Variants in CNOT9 observed in about 807,000 individuals in gnomAD.
CNOT9 encodes the protein CCR4-NOT transcription complex subunit 9.
Under a neutral mutation model 37.4 loss-of-function variants are expected in CNOT9, and 8 were observed. The observed-to-expected ratio is 0.21, with a 90% CI of 0.13 to 0.39. The LOEUF (loss-of-function observed/expected upper bound fraction) is 0.39. CNOT9 is among the 10% of genes least tolerant of loss of function. The pLI, the probability that CNOT9 is intolerant of heterozygous loss-of-function variation, is 1.00. For synonymous variants in CNOT9, 120 were observed against 137.6 expected, an observed-to-expected ratio of 0.87 and a Z score of 0.90; for missense variants, 154 against 365.3, an observed-to-expected ratio of 0.42 and a Z score of 4.71.
chr2:218,572,549 T>C, intron 1 of CNOT9: 1 of 305,302 alleles, frequency 3.3e-6, no homozygotes, highest in Non-Finnish European at 4.8e-6. Context: ...CTACAAAAAA[T>C]GTTTAAAAAT....
chr2:218,587,731 A>C, intron 5 of CNOT9, 36 bp downstream of exon 5: 1 of 1,144,832 alleles, frequency 8.7e-7, no homozygotes, highest in South Asian at 1.7e-5. Flanking sequence ...CATTGTGTTG[A>C]CTCTTAAGCT....
chr2:218,583,648 C>T (rs750005974), intron 3 of CNOT9, among the ~76,000 whole-genome samples: 5 of 152,048 alleles, frequency 3.3e-5, no homozygotes, highest in Non-Finnish European at 7.4e-5. Flanking sequence ...CTTTTATGGC[C>T]CCAAAGGCAC....
rs2106103280 is a variant in CNOT9, at chr2:218,595,906, T to G, written c.*1630T>G. On this transcript the variant is annotated 3_prime_UTR_variant, in exon 8 of 8. Coordinates refer to ENST00000273064, the MANE Select transcript of CNOT9 (RefSeq NM_005444.3). ...TGGCCTAGATATAGGAAGGGCAGAA[T>G]AAGCACTTACTCCCCCTGCCTTCCA... The G allele has an allele frequency of 6.6e-6, 1 of 152,250 alleles. No homozygotes were observed. The highest frequency in any genetic ancestry group is 3.4e-3 in the Middle Eastern group (1 of 294). 9.4% of individuals were successfully genotyped at this position (152,250 alleles called of 1,614,324 possible).
chr2:218,569,083 C>T (rs1574979621), intron 1 of CNOT9, 105 bp downstream of exon 1: 2 of 1,294,152 alleles, frequency 1.5e-6, no homozygotes, highest in East Asian at 2.6e-5. Flanking sequence ...TGATTTTTTT[C>T]TGCCCTCAAT....
At position 218,592,602 on chromosome 2, in the gene CNOT9, T is replaced by G. The variant is rs1379146442; in HGVS notation, c.640-14T>G. ...TGTTTTTTCCAACCCCTCCCCTTAT[T>G]TTGGGGGAAACAGGGTAAGATGGTC... On this transcript the variant is annotated splice_polypyrimidine_tract_variant and intron_variant, in intron 6 of 7. Transcript: ENST00000273064. The surrounding 1 kb of genome is among the most constrained non-coding windows in gnomAD (Gnocchi z 4.1). 1.9e-6 allele frequency: 3 copies of G among 1,613,280 alleles called. No homozygotes were observed. In the Admixed American group the frequency reaches 5.0e-5, roughly 27 times the overall value.
intron 1 of CNOT9, among the ~76,000 whole-genome samples, chr2:218,569,749 T>C (rs1246449230): frequency 3.3e-5 from 5 of 152,356 alleles, no homozygotes; most frequent in Middle Eastern, 3.4e-3. Context: ...TTGTGGTCTC[T>C]ATGCCTGGAG....
Position 218,572,687 on chromosome 2 carries a change from T to G in CNOT9, c.24+3709T>G, listed in dbSNP as rs1559242333. The G allele has an allele frequency of 3.0e-6, 3 of 985,332 alleles. No individual in the cohort carries two copies. In the South Asian group the frequency reaches 1.4e-4, roughly 46 times the overall value. 61.0% of individuals were successfully genotyped at this position (985,332 alleles called of 1,614,324 possible). On this transcript the variant is annotated intron_variant, in intron 1 of 7. Transcript: ENST00000273064. ...GCCATAGGTATTCTGTAATGGATGT[T>G]ATGCTTGTGAAACAACCGGAGGTAA...
At position 218,568,960 on chromosome 2, in the gene CNOT9, C is replaced by T. The variant is rs757041506; in HGVS notation, c.6C>T (p.His2=). The T allele has an allele frequency of 1.2e-6, 2 of 1,610,482 alleles. No individual in the cohort carries two copies. The highest frequency in any genetic ancestry group is 1.3e-5 in the African/African-American group (1 of 74,798). The change falls in exon 1 of 8, where the codon CAC becomes CAT. Residue 2 remains histidine, a synonymous_variant. Transcript: ENST00000273064. M[H]SLATAAPVPT... ...GAGCGGCGGCCGCTCACAACATGCA[C>T]AGCCTGGCGACGGCTGCGGTGAGTG...
intron 2 of CNOT9, chr2:218,581,002 T>G (rs1232026134): frequency 1.8e-6 from 1 of 560,642 alleles, no homozygotes; most frequent in Non-Finnish European, 3.4e-6. Flanking sequence ...CAGGTGATTG[T>G]GATGCAAGTG....
chr2:218,595,740 G>A lies in CNOT9; in HGVS notation c.*1464G>A, dbSNP rs1368548496. 2 of 151,450 alleles carry A rather than the reference G, an allele frequency of 1.3e-5. No individual in the cohort carries two copies. Among genetic ancestry groups the A allele is most frequent in the Non-Finnish European group, 2.9e-5 (2 of 67,890 alleles). 9.4% of individuals were successfully genotyped at this position (151,450 alleles called of 1,614,324 possible). A position where few individuals can be genotyped will look rare whatever the true frequency, so the allele number is the denominator to read the frequency against. On this transcript the variant is annotated 3_prime_UTR_variant, in exon 8 of 8. Coordinates refer to ENST00000273064, the MANE Select transcript of CNOT9 (RefSeq NM_005444.3). Reference sequence around the variant, plus strand: ...GAACAAGCTTGGGGAGGGTCTATAAGGGGTAGGCTCAAAAAAAAAAAAACC... The same window carrying A: ...GAACAAGCTTGGGGAGGGTCTATAAAGGGTAGGCTCAAAAAAAAAAAAACC...
intron 1 of CNOT9, among the ~76,000 whole-genome samples, chr2:218,575,741 C>T (rs1694144753): frequency 6.6e-6 from 1 of 152,240 alleles, no homozygotes; most frequent in East Asian, 1.9e-4. Flanking sequence ...CAAAAAATGT[C>T]AACCTCTGCT....
chr2:218,569,573 G>C (rs1199396110), intron 1 of CNOT9, among the ~76,000 whole-genome samples: 2 of 152,122 alleles, frequency 1.3e-5, no homozygotes, highest in East Asian at 3.9e-4. Flanking sequence ...TACTTCTCTT[G>C]GCATTTAAAT....
At chr2:218,575,891 A>G (rs1694150104) in intron 1 of CNOT9, among the ~76,000 whole-genome samples, 1 of 152,178 alleles carries the variant, frequency 6.6e-6, no homozygotes, top group Non-Finnish European at 1.5e-5. Context: ...ACAGCCTTAG[A>G]AATGTATTAG....
In CNOT9 at chr2:218,592,807, G is replaced by T; in HGVS notation, c.731+100G>T. 1 of 891,304 alleles carries T rather than the reference G, an allele frequency of 1.1e-6. No homozygotes were observed. The allele number at this position is 891,304 out of a possible 1,614,324, so 55.2% of individuals were successfully genotyped here. Reference sequence around the variant, plus strand: ...CCTGTGTCTTTAGGACAGGGAAGTGGGGATATAACTGCATTTAGTTTGTCT... The same window carrying T: ...CCTGTGTCTTTAGGACAGGGAAGTGTGGATATAACTGCATTTAGTTTGTCT... On this transcript the variant is annotated intron_variant, in intron 7 of 7. Transcript: ENST00000273064. This position sits in a 1 kb window ranked among gnomAD's most constrained non-coding sequence, Gnocchi z 4.1.
chr2:218,593,740 C>A lies in CNOT9; in HGVS notation c.732-368C>A, dbSNP rs796597659. The A allele has an allele frequency of 3.3e-6, 4 of 1,208,256 alleles. No homozygotes were observed. In the African/African-American group the frequency reaches 6.1e-5, roughly 18 times the overall value. 74.8% of individuals were successfully genotyped at this position (1,208,256 alleles called of 1,614,324 possible). ...TAAGTTATCATAAGTTTGATGATATCCTTGTTAATGTACTGATTTTTGAAT... is the reference window on the plus strand; with the variant it reads ...TAAGTTATCATAAGTTTGATGATATACTTGTTAATGTACTGATTTTTGAAT... On this transcript the variant is annotated intron_variant, in intron 7 of 7. Transcript: ENST00000273064.
At chr2:218,574,553 C>T (rs1017070625) in intron 1 of CNOT9, among the ~76,000 whole-genome samples, 1 of 152,128 alleles carries the variant, frequency 6.6e-6, no homozygotes, top group Non-Finnish European at 1.5e-5. Flanking sequence ...TAGAACTCAT[C>T]GATTCTAGAG....
At chr2:218,590,455 TA>T (rs1445886218) in intron 5 of CNOT9, among the ~76,000 whole-genome samples, 1 of 152,244 alleles carries the variant, frequency 6.6e-6, no homozygotes, top group East Asian at 1.9e-4. Context: ...TGTGTAAGTT[TA>T]TATTAGGTTC....
intron 7 of CNOT9, chr2:218,593,157 C>A: frequency 4.4e-6 from 1 of 229,252 alleles, no homozygotes; most frequent in Non-Finnish European, 8.5e-6. Context: ...AATCTTTCTG[C>A]CAGAAATCAT....
intron 1 of CNOT9, 133 bp downstream of exon 1, chr2:218,569,111 CCCT>C (rs1230072627): frequency 1.2e-5 from 11 of 939,638 alleles, no homozygotes; most frequent in African/African-American, 1.7e-5. Context: ...GCCCCGGTTC[CCCT>C]CCTCGGCACG....
Sources: gnomAD v4.1 joint callset for allele counts (sites outside exome capture counted in the v4.1 genomes callset) on GRCh38, gnomAD v4.1.1 for gene constraint, Gnocchi (gnomAD v3.1) non-coding constraint, MANE v1.5 for transcripts, NCBI Gene and HGNC (gene_info 2026-07-23, HGNC 2026-07-21) for gene names.